The following PHF14 variants were observed in gnomAD, a reference collection of about 807,000 sequenced individuals.
PHF14 encodes the protein PHD finger protein 14.
PHF14 carries 55 observed loss-of-function variants against 117.9 expected under a neutral mutation model. The ratio of observed to expected loss-of-function variants is 0.47; its 90% confidence interval spans 0.38 to 0.58. PHF14 has a LOEUF of 0.58. PHF14 is among the 20% of genes least tolerant of loss of function. The probability of loss-of-function intolerance (pLI) is 0.00; values close to 1 mark genes in which losing one functional copy is unlikely to be tolerated. For synonymous variants in PHF14, 409 were observed against 368.6 expected, an observed-to-expected ratio of 1.11 and a Z score of -1.26; for missense variants, 978 against 1,122.2, an observed-to-expected ratio of 0.87 and a Z score of 1.84.
intron 17 of PHF14, among the ~76,000 whole-genome samples, chr7:11,121,883 C>T (rs529629226): frequency 6.6e-5 from 10 of 151,606 alleles, no homozygotes; most frequent in African/African-American, 1.5e-4. Context: ...TTCTGGGGTA[C>T]GTGTCCAGAA....
intron 17 of PHF14, among the ~76,000 whole-genome samples, chr7:11,122,874 A>G (rs1486278385): frequency 6.6e-6 from 1 of 152,082 alleles, no homozygotes; most frequent in Non-Finnish European, 1.5e-5. Context: ...GTCTTTTCCA[A>G]GTTCTGAAAT....
chr7:11,164,868 A>G (rs1330542967), intron 17 of PHF14, among the ~76,000 whole-genome samples: 3 of 152,044 alleles, frequency 2.0e-5, no homozygotes, highest in African/African-American at 4.8e-5. Flanking sequence ...TTCAGTCATC[A>G]TGTCCCCATA....
chr7:11,034,433 A>G (rs1393371802), intron 7 of PHF14, among the ~76,000 whole-genome samples: 1 of 151,608 alleles, frequency 6.6e-6, no homozygotes, highest in Non-Finnish European at 1.5e-5. Context: ...ATGAAAATGT[A>G]CTGTTAGGCT....
chr7:11,036,513 C>G lies in PHF14; in HGVS notation c.1698C>G (p.Pro566=). Residue 566 remains proline, a synonymous_variant, in exon 9 of 18, where the codon CCC becomes CCG. Transcript: ENST00000634607. ...CCTGGGTTCCAAGGGAAAAATTGCC[C>G]AGACCACTCACCAGCAGTGCTTCAG... is the stretch of plus-strand genomic sequence containing the variant. ...PQAWVPREKL[P]RPLTSSASAI... 6.8e-6 allele frequency: 11 copies of G among 1,613,910 alleles called. No individual in the cohort carries two copies. Among genetic ancestry groups the G allele is most frequent in the Non-Finnish European group, 9.3e-6 (11 of 1,179,834 alleles).
chr7:11,129,542 A>G (rs11977765), intron 17 of PHF14, among the ~76,000 whole-genome samples: 76,943 of 144,494 alleles, frequency 0.53, 21,092 homozygotes, highest in East Asian at 0.84. Flanking sequence ...TTTTGTGTGT[A>G]TGTTTCTTTT....
intron 17 of PHF14, among the ~76,000 whole-genome samples, chr7:11,160,620 C>G (rs565414552): frequency 3.9e-5 from 6 of 152,212 alleles, no homozygotes; most frequent in Admixed American, 3.3e-4. Flanking sequence ...CAATGAGATA[C>G]TATCACAAAA....
intron 17 of PHF14, among the ~76,000 whole-genome samples, chr7:11,157,440 AT>A (rs760560263): frequency 7.9e-5 from 12 of 151,800 alleles, no homozygotes; most frequent in Non-Finnish European, 1.8e-4. Flanking sequence ...TTGTTTTGAC[AT>A]TTTATTCTTA....
chr7:11,055,848 TGTTA>T (rs137998015), intron 14 of PHF14, among the ~76,000 whole-genome samples: 53,540 of 151,800 alleles, frequency 0.35, 10,071 homozygotes, highest in East Asian at 0.74. Context: ...ATTTTTTAGA[TGTTA>T]GTTTAGGAAA....
At chr7:11,017,565 G>A (rs955137183) in intron 5 of PHF14, among the ~76,000 whole-genome samples, 1 of 151,940 alleles carries the variant, frequency 6.6e-6, no homozygotes, top group Non-Finnish European at 1.5e-5. Context: ...TTTGAGAAAT[G>A]TCTATTCAAA....
intron 16 of PHF14, among the ~76,000 whole-genome samples, chr7:11,066,638 GC>G: frequency 6.6e-6 from 1 of 152,272 alleles, no homozygotes; most frequent in East Asian, 1.9e-4. Flanking sequence ...TTTATTATCT[GC>G]CCCATGTGGA....
chr7:11,114,238 C>T (rs1258591929), intron 17 of PHF14, among the ~76,000 whole-genome samples: 2 of 152,072 alleles, frequency 1.3e-5, no homozygotes, highest in African/African-American at 4.8e-5. Flanking sequence ...TTAGATAATA[C>T]ATAGCATGTA....
chr7:10,974,735 A>G lies in PHF14; in HGVS notation c.2-100A>G, dbSNP rs1781803596. ...TTGCTGAGAACTCAGTTAGACAAAA[A>G]TTCCTTGTGCGAGGTCATCTTTATG... On this transcript the variant is annotated intron_variant, in intron 1 of 17. Transcript: ENST00000634607. The G allele has an allele frequency of 5.9e-6, 4 of 677,170 alleles. No individual in the cohort carries two copies. The Admixed American group carries it at 1.2e-4, about 20-fold the overall frequency. The allele number at this position is 677,170 out of a possible 1,614,324, so 41.9% of individuals were successfully genotyped here.
intron 5 of PHF14, among the ~76,000 whole-genome samples, chr7:11,018,560 C>T (rs144641599): frequency 3.3e-5 from 5 of 152,066 alleles, no homozygotes; most frequent in Non-Finnish European, 5.9e-5. Context: ...ACTGTTGTCA[C>T]GTAGACATGC....
intron 16 of PHF14, among the ~76,000 whole-genome samples, chr7:11,101,314 A>G (rs1787078986): frequency 6.6e-6 from 1 of 151,862 alleles, no homozygotes; most frequent in Admixed American, 6.6e-5. Flanking sequence ...TTATTTGTGC[A>G]TGTAATTAAG....
At chr7:11,092,135 G>C (rs1215182002) in intron 16 of PHF14, among the ~76,000 whole-genome samples, 2 of 152,158 alleles carry the variant, frequency 1.3e-5, no homozygotes, top group African/African-American at 4.8e-5. Flanking sequence ...TATGTCAGCT[G>C]ATTGACTTTA....
chr7:11,162,786 A>C (rs1392411542), intron 17 of PHF14, among the ~76,000 whole-genome samples: 1 of 151,088 alleles, frequency 6.6e-6, no homozygotes, highest in African/African-American at 2.4e-5. Context: ...CCTGGGTTCA[A>C]GTGATTCTCC....
chr7:11,004,125 G>C (rs912083529), intron 4 of PHF14, among the ~76,000 whole-genome samples: 1 of 151,782 alleles, frequency 6.6e-6, no homozygotes, highest in African/African-American at 2.4e-5. Flanking sequence ...GCTTGCGCCT[G>C]TAGTCCCAAC....
chr7:11,136,927 C>G (rs1269153840), intron 17 of PHF14, among the ~76,000 whole-genome samples: 2 of 152,044 alleles, frequency 1.3e-5, no homozygotes, highest in African/African-American at 2.4e-5. Flanking sequence ...ACTTGGAGAA[C>G]AATTAATATG....
At chr7:11,127,320 A>G (rs764134894) in intron 17 of PHF14, among the ~76,000 whole-genome samples, 16 of 149,376 alleles carry the variant, frequency 1.1e-4, no homozygotes, top group Non-Finnish European at 2.2e-4. Context: ...TCTGTGGGTT[A>G]CTTGTGACTT....
Sources: allele counts gnomAD v4.1 joint callset (sites outside exome capture counted in the v4.1 genomes callset), GRCh38; gene constraint gnomAD v4.1.1; transcripts MANE v1.5; gene names NCBI Gene and HGNC (gene_info 2026-07-23, HGNC 2026-07-21).